Variants in GNAQ observed in about 807,000 individuals in gnomAD.
GNAQ encodes guanine nucleotide-binding protein G(q) subunit alpha.
A neutral mutation model predicts 43.9 loss-of-function variants in GNAQ; 8 were observed. The ratio of observed to expected loss-of-function variants is 0.18; its 90% CI spans 0.11 to 0.33. GNAQ has a LOEUF of 0.33. GNAQ is among the 10% of genes least tolerant of loss of function. GNAQ has a pLI of 1.00. For missense variants in GNAQ, 158 were observed against 450.8 expected (o/e 0.35, Z 5.88); for synonymous variants, 155 against 170.7 (o/e 0.91, Z 0.71).
intron 2 of GNAQ, among the ~76,000 whole-genome samples, chr9:77,898,620 A>AATGG (rs3083216): frequency 0.58 from 86,753 of 150,584 alleles, 26,550 homozygotes; most frequent in South Asian, 0.71. Context: ...TGAATGAATA[A>AATGG]ATGGATGGAT....
chr9:77,985,143 T>G (rs1446972307), intron 1 of GNAQ, among the ~76,000 whole-genome samples: 1 of 152,120 alleles, frequency 6.6e-6, no homozygotes, highest in Admixed American at 6.5e-5. Flanking sequence ...ACTCCGTCTC[T>G]ACTAAAAATA....
At chr9:78,019,368 G>A (rs1032883830) in intron 1 of GNAQ, among the ~76,000 whole-genome samples, 3 of 152,160 alleles carry the variant, frequency 2.0e-5, no homozygotes, top group Non-Finnish European at 2.9e-5. Context: ...ACACCCATTC[G>A]TTAGCTCTGA....
intron 2 of GNAQ, among the ~76,000 whole-genome samples, chr9:77,837,980 C>T (rs528283570): frequency 4.4e-4 from 67 of 151,466 alleles, no homozygotes; most frequent in African/African-American, 1.5e-3. Flanking sequence ...GCCTCAGCCT[C>T]CTGAGTAGCT....
intron 2 of GNAQ, among the ~76,000 whole-genome samples, chr9:77,838,006 C>T (rs977838507): frequency 3.3e-5 from 5 of 151,782 alleles, no homozygotes; most frequent in African/African-American, 7.3e-5. Flanking sequence ...TACAGGTATG[C>T]GCCACCACGC....
intron 2 of GNAQ, among the ~76,000 whole-genome samples, chr9:77,901,710 TCAGTCTAGTTA>T (rs1308871564): frequency 6.6e-6 from 1 of 152,238 alleles, no homozygotes; most frequent in African/African-American, 2.4e-5. Context: ...TTTTACAGTT[TCAGTCTAGTTA>T]CAGTCTCAGT....
intron 1 of GNAQ, among the ~76,000 whole-genome samples, chr9:77,984,049 C>A (rs866609245): frequency 0.015 from 986 of 67,872 alleles, 32 homozygotes; most frequent in African/African-American, 0.035. Flanking sequence ...TTTTGGAGAG[C>A]AAAAAAAAAA....
At chr9:77,933,740 A>T (rs1829188620) in intron 1 of GNAQ, among the ~76,000 whole-genome samples, 1 of 152,224 alleles carries the variant, frequency 6.6e-6, no homozygotes, top group African/African-American at 2.4e-5. Flanking sequence ...ATAAAAATAT[A>T]AAGTCATAAT....
At chr9:77,853,143 A>G (rs528662446) in intron 2 of GNAQ, among the ~76,000 whole-genome samples, 3 of 152,350 alleles carry the variant, frequency 2.0e-5, no homozygotes, top group African/African-American at 7.2e-5. Context: ...AGAAAGCAGT[A>G]CACTACATGT....
intron 1 of GNAQ, among the ~76,000 whole-genome samples, chr9:77,976,888 T>C (rs1823309568): frequency 6.6e-6 from 1 of 152,172 alleles, no homozygotes; most frequent in Admixed American, 6.5e-5. Flanking sequence ...CCATAAGGTT[T>C]TAGTTGGCCA....
At chr9:77,858,950 T>C (rs939192053) in intron 2 of GNAQ, among the ~76,000 whole-genome samples, 1 of 152,086 alleles carries the variant, frequency 6.6e-6, no homozygotes, top group Non-Finnish European at 1.5e-5. Context: ...CTATTTCCAT[T>C]CGTGTCTTTC....
chr9:77,951,780 T>C (rs1370159634), intron 1 of GNAQ, among the ~76,000 whole-genome samples: 1 of 152,196 alleles, frequency 6.6e-6, no homozygotes, highest in Admixed American at 6.5e-5. Flanking sequence ...AAGGGGGTCA[T>C]CTCGATGAGT....
At chr9:77,790,290 G>C (rs563860347) in intron 5 of GNAQ, among the ~76,000 whole-genome samples, 184 of 152,076 alleles carry the variant, frequency 1.2e-3, no homozygotes, top group African/African-American at 4.2e-3. Flanking sequence ...TCAATTTTTA[G>C]TCAGGTTTTC....
intron 2 of GNAQ, among the ~76,000 whole-genome samples, chr9:77,908,889 C>T (rs1444054243): frequency 6.6e-6 from 1 of 152,164 alleles, no homozygotes; most frequent in African/African-American, 2.4e-5. Context: ...GAGAGCCTCA[C>T]ATGATTTGTA....
At chr9:78,013,174 A>G (rs1406685548) in intron 1 of GNAQ, among the ~76,000 whole-genome samples, 3 of 152,208 alleles carry the variant, frequency 2.0e-5, no homozygotes, top group African/African-American at 7.2e-5. Context: ...CTCTCCTTCC[A>G]TCTGACACAA....
intron 5 of GNAQ, among the ~76,000 whole-genome samples, chr9:77,754,627 T>C (rs1389606208): frequency 6.6e-6 from 1 of 152,152 alleles, no homozygotes; most frequent in African/African-American, 2.4e-5. Flanking sequence ...TTTTGTTATG[T>C]AAGTGTTCTG....
chr9:77,862,523 A>G (rs2378088), intron 2 of GNAQ, among the ~76,000 whole-genome samples: 82,541 of 152,018 alleles, frequency 0.54, 25,468 homozygotes, highest in Non-Finnish European at 0.7. Context: ...TTCAGCTACT[A>G]GTGGAGCAGC....
At chr9:77,725,042 A>AT (rs1401311290) in intron 6 of GNAQ, among the ~76,000 whole-genome samples, 1 of 151,866 alleles carries the variant, frequency 6.6e-6, no homozygotes, top group Non-Finnish European at 1.5e-5. Flanking sequence ...CTTCTGTATG[A>AT]TTTTGTACTT....
chr9:77,959,853 G>T (rs937842425), intron 1 of GNAQ, among the ~76,000 whole-genome samples: 17 of 152,014 alleles, frequency 1.1e-4, no homozygotes, highest in African/African-American at 3.6e-4. Flanking sequence ...CAAGATTCAG[G>T]CCCCCCAAAA....
At chr9:77,762,659 G>A (rs1362769495) in intron 5 of GNAQ, among the ~76,000 whole-genome samples, 1 of 151,672 alleles carries the variant, frequency 6.6e-6, no homozygotes, top group Non-Finnish European at 1.5e-5. Context: ...ATAGAAAGCG[G>A]GGAAAGGTGG....
Sources: gnomAD v4.1 joint callset for allele counts (sites outside exome capture counted in the v4.1 genomes callset) on GRCh38, gnomAD v4.1.1 for gene constraint, MANE v1.5 for transcripts, NCBI Gene and HGNC (gene_info 2026-07-23, HGNC 2026-07-21) for gene names.